IRAK3: variants seen among roughly 807,000 people sequenced by gnomAD.
IRAK3 encodes interleukin 1 receptor associated kinase 3.
IRAK3 carries 57 observed loss-of-function variants against 56.6 expected under a neutral mutation model. That is an observed-to-expected ratio of 1.01 (90% CI 0.81 to 1.26). The LOEUF (loss-of-function observed/expected upper bound fraction) is 1.26, where lower values mean the gene tolerates loss of function less well. Ranked by LOEUF, IRAK3 falls within the 50% of genes most tolerant of loss-of-function variation. The pLI, the probability that IRAK3 is intolerant of heterozygous loss-of-function variation, is 0.00. For missense variants in IRAK3, 703 were observed against 719.0 expected (o/e 0.98, Z 0.25); for synonymous variants, 258 against 255.7 (o/e 1.01, Z -0.09).
chr12:66,225,807 A>G (rs1200233217), intron 6 of IRAK3, among the ~76,000 whole-genome samples: 1 of 152,128 alleles, frequency 6.6e-6, no homozygotes, highest in Non-Finnish European at 1.5e-5. Context: ...TTTAAAATCA[A>G]TGGTATGTTC....
At chr12:66,235,331 G>GCGCGGGGCAGCCTCGC in intron 8 of IRAK3, 3 of 1,120,116 alleles carry the variant, frequency 2.7e-6, no homozygotes, top group Non-Finnish European at 2.2e-6. Context: ...GGCAGCCTGG[G>GCGCGGGGCAGCCTCGC]CGCGGGGCAG....
In IRAK3 at chr12:66,189,254, A is replaced by T; in HGVS notation, c.-46A>T. The T allele has an allele frequency of 1.3e-6, 2 of 1,532,414 alleles. No individual in the cohort carries two copies. Among genetic ancestry groups the T allele is most frequent in the Non-Finnish European group, 8.7e-7 (1 of 1,144,902 alleles). The allele number at this position is 1,532,414 out of a possible 1,614,324, so 94.9% of individuals were successfully genotyped here. ...GTGTAACGGCCTGTCGCAGGCGTGC[A>T]GGGACCTGGACTCCGCCTCGTCCCC... is the stretch of plus-strand genomic sequence containing the variant. On this transcript the variant is annotated 5_prime_UTR_variant, in exon 1 of 12. Coordinates refer to ENST00000261233, the MANE Select transcript of IRAK3 (RefSeq NM_007199.3).
At chr12:66,189,717 C>A (rs1225382111) in intron 1 of IRAK3, among the ~76,000 whole-genome samples, 2 of 152,188 alleles carry the variant, frequency 1.3e-5, no homozygotes, top group Non-Finnish European at 2.9e-5. Context: ...ATCTTCTGTT[C>A]GTCCGCGATG....
chr12:66,227,678 G>T (rs2052800958), intron 7 of IRAK3, among the ~76,000 whole-genome samples: 1 of 151,598 alleles, frequency 6.6e-6, no homozygotes, highest in Admixed American at 6.6e-5. Flanking sequence ...AGAGTTGCTT[G>T]AGCCCAGGGA....
At chr12:66,197,250 C>T in intron 1 of IRAK3, 1 of 1,193,564 alleles carries the variant, frequency 8.4e-7, no homozygotes, top group Non-Finnish European at 1.0e-6. Context: ...TTAACTTTAT[C>T]AACATAATTA....
In IRAK3 at chr12:66,213,626, T is replaced by C. The variant is rs113211920; in HGVS notation, c.588+2029T>C. ...CTAGTGTAAACTACGGTAATAATGA[T>C]ATGTCAACTTAAGATCATTGATTTT... is the stretch of plus-strand genomic sequence containing the variant. On this transcript the variant is annotated intron_variant, in intron 5 of 11. Transcript: ENST00000261233. 1.5e-3 allele frequency among the ~76,000 whole-genome samples: 230 copies of C among 152,212 alleles called. 2 individuals carry two copies. The highest frequency in any genetic ancestry group is 5.2e-3 in the African/African-American group (215 of 41,540).
intron 1 of IRAK3, among the ~76,000 whole-genome samples, chr12:66,201,161 T>A (rs1565799274): frequency 6.6e-6 from 1 of 152,154 alleles, no homozygotes; most frequent in Non-Finnish European, 1.5e-5. Context: ...AGACTTATCA[T>A]TTTTCTGAGA....
At chr12:66,202,204 C>T (rs1297203353) in intron 1 of IRAK3, among the ~76,000 whole-genome samples, 1 of 152,042 alleles carries the variant, frequency 6.6e-6, no homozygotes, top group Non-Finnish European at 1.5e-5. Context: ...ATATAAGCGC[C>T]TACTGATAGA....
At chr12:66,229,316 C>T (rs887844610) in intron 8 of IRAK3, among the ~76,000 whole-genome samples, 127 of 152,126 alleles carry the variant, frequency 8.3e-4, no homozygotes, top group African/African-American at 3.0e-3. Flanking sequence ...GAGTAAATAC[C>T]CCCTGTCGGT....
intron 6 of IRAK3, among the ~76,000 whole-genome samples, chr12:66,223,233 A>G: frequency 6.6e-6 from 1 of 152,296 alleles, no homozygotes; most frequent in South Asian, 2.1e-4. Context: ...ACTTCAGGCC[A>G]TCTGGATGTA....
intron 5 of IRAK3, among the ~76,000 whole-genome samples, chr12:66,215,556 C>T (rs189369580): frequency 1.3e-5 from 2 of 152,198 alleles, no homozygotes; most frequent in East Asian, 3.9e-4. Context: ...CAGGGCCTTG[C>T]CCATAGTAGC....
chr12:66,216,685 G>T (rs911144838), intron 5 of IRAK3, among the ~76,000 whole-genome samples: 3 of 152,268 alleles, frequency 2.0e-5, no homozygotes, highest in African/African-American at 7.2e-5. Context: ...TGAAAGTAAA[G>T]AGTTATATTT....
Position 66,189,375 on chromosome 12 carries a change from G to A in IRAK3, c.76G>A (p.Gly26Arg). The A allele has an allele frequency of 1.3e-6, 2 of 1,529,732 alleles. No homozygotes were observed. Among genetic ancestry groups the A allele is most frequent in the African/African-American group, 1.4e-5 (1 of 72,778 alleles). 94.8% of individuals were successfully genotyped at this position (1,529,732 alleles called of 1,614,324 possible). Residue 26 changes from glycine to arginine, a missense_variant, in exon 1 of 12, where the codon GGA (glycine) becomes AGA (arginine). Gly to Arg is a moderately radical substitution (Grantham distance 125). Coordinates refer to ENST00000261233, the MANE Select transcript of IRAK3 (RefSeq NM_007199.3). ...LLFDLPPALL[G>R]ELCAVLDSCD... Reference sequence around the variant, plus strand: ...GTTCGACCTGCCGCCCGCGCTGCTCGGAGAGCTCTGCGCTGTTCTGGACAG... The same window carrying A: ...GTTCGACCTGCCGCCCGCGCTGCTCAGAGAGCTCTGCGCTGTTCTGGACAG...
chr12:66,254,074 G>T lies in IRAK3; in HGVS notation c.*5903G>T, dbSNP rs1357470045. On this transcript the variant is annotated 3_prime_UTR_variant, in exon 12 of 12. Transcript: ENST00000261233. ...AGCAATTGACAAAAATGGAATTCTT[G>T]TTCAATACTGGCAGGAGTGAAAATT... is the stretch of plus-strand genomic sequence containing the variant. 2 of 152,112 alleles carry T rather than the reference G, an allele frequency of 1.3e-5. No individual in the cohort carries two copies. The highest frequency in any genetic ancestry group is 1.9e-4 in the East Asian group (1 of 5,194). The allele number at this position is 152,112 out of a possible 1,614,324, so 9.4% of individuals were successfully genotyped here. A position where few individuals can be genotyped will look rare whatever the true frequency, so the allele number is the denominator to read the frequency against.
intron 6 of IRAK3, among the ~76,000 whole-genome samples, chr12:66,222,487 T>C (rs2052744237): frequency 6.6e-6 from 1 of 152,126 alleles, no homozygotes; most frequent in South Asian, 2.1e-4. Context: ...TCTCTTATGA[T>C]CCTTAGTGTT....
Position 66,223,014 on chromosome 12 carries a change from G to A in IRAK3, c.654-3709G>A, listed in dbSNP as rs1472954973. 6.6e-5 allele frequency among the ~76,000 whole-genome samples: 10 copies of A among 151,612 alleles called. No individual in the cohort carries two copies. In the East Asian group the frequency reaches 1.8e-3, roughly 27 times the overall value. On this transcript the variant is annotated intron_variant, in intron 6 of 11. Coordinates refer to ENST00000261233, the MANE Select transcript of IRAK3 (RefSeq NM_007199.3). ...AAAGGAAAATTACAGTCAAAGGGGG[G>A]TTGTTCTCTGTGGGGCAGGAGTGGG... is the stretch of plus-strand genomic sequence containing the variant.
rs180800153 is a variant in IRAK3, at chr12:66,209,033, A to G, written c.317-423A>G. Among the ~76,000 whole-genome samples, 1,039 of 150,588 alleles carry G rather than the reference A, an allele frequency of 6.9e-3. 27 individuals carry two copies. The highest frequency in any genetic ancestry group is 0.024 in the African/African-American group (1,003 of 41,014). On this transcript the variant is annotated intron_variant, in intron 2 of 11. Transcript: ENST00000261233. ...GATTGCAATGAGCCGAGATCATGCC[A>G]CTGTACTACAGCCTGGGCGAGAGTG...
chr12:66,224,536 G>A (rs577242202), intron 6 of IRAK3, among the ~76,000 whole-genome samples: 7 of 152,094 alleles, frequency 4.6e-5, no homozygotes, highest in Non-Finnish European at 1.0e-4. Context: ...TAATATTAAG[G>A]AAATTACCTT....
chr12:66,215,771 A>G (rs1384550369), intron 5 of IRAK3, among the ~76,000 whole-genome samples: 1 of 53,194 alleles, frequency 1.9e-5, no homozygotes, highest in Non-Finnish European at 4.4e-5. Context: ...TCCGCCCCCT[A>G]TTTTAACCCA....
Sources: allele counts gnomAD v4.1 joint callset (sites outside exome capture counted in the v4.1 genomes callset), GRCh38; gene constraint gnomAD v4.1.1; transcripts MANE v1.5; gene names NCBI Gene and HGNC (gene_info 2026-07-23, HGNC 2026-07-21).